The following MTAP variants were observed in gnomAD, a reference collection of about 807,000 sequenced individuals.
MTAP encodes the protein methylthioadenosine phosphorylase.
In MTAP, 33 loss-of-function variants were observed where a neutral mutation model predicts 33.6. The ratio of observed to expected loss-of-function variants is 0.98; its 90% CI spans 0.74 to 1.31. The LOEUF (loss-of-function observed/expected upper bound fraction) is 1.31, where lower values mean the gene tolerates loss of function less well. MTAP is among the 40% of genes most tolerant of loss of function. MTAP has a pLI of 0.00. For missense variants in MTAP, 367 were observed against 360.0 expected (o/e 1.02, Z -0.16); for synonymous variants, 148 against 125.7 (o/e 1.18, Z -1.19).
intron 4 of MTAP, among the ~76,000 whole-genome samples, chr9:21,834,725 T>C (rs1263023644): frequency 6.6e-6 from 1 of 152,230 alleles, no homozygotes; most frequent in East Asian, 1.9e-4. Context: ...ATAACCTTTC[T>C]ATTTTAAAGT....
In MTAP at chr9:21,895,195, C is replaced by G. The variant is rs566656636; in HGVS notation, c.148-35813C>G. Among the ~76,000 whole-genome samples, 400 of 152,250 alleles carry G rather than the reference C, an allele frequency of 2.6e-3. 1 individual carries two copies. The highest frequency in any genetic ancestry group is 9.1e-3 in the African/African-American group (380 of 41,542). The stretch of plus-strand genomic sequence containing the variant: ...AAACCATTCTAAAATTCATACAGAA[C>G]ATGAAAAAGCCAGAATAACCAAAGC... On this transcript the variant is annotated intron_variant, in intron 1 of 1. Transcript: ENST00000577563.
At position 21,915,098 on chromosome 9, in the gene MTAP, C is replaced by CT; in HGVS notation, c.148-15907dup. On this transcript the variant is annotated intron_variant, in intron 1 of 1. Transcript: ENST00000577563. ...TTTCTTTCTTTCCTTTCTTTCTTTT[C>CT]TTTCGGCAGAGTCTTGCCCTCTCAC... Among the ~76,000 whole-genome samples, 3 of 111,960 alleles carry CT rather than the reference C, an allele frequency of 2.7e-5. 1 individual carries two copies. The highest frequency in any genetic ancestry group is 1.4e-4 in the African/African-American group (3 of 21,284). The allele number at this position is 111,960 out of a possible 152,430, so 73.5% of individuals were successfully genotyped here.
rs541777909 is a variant in MTAP, at chr9:21,886,894, T to C, written c.147+32024T>C. Among the ~76,000 whole-genome samples the C allele has an allele frequency of 5.3e-5, 8 of 152,348 alleles. No individual in the cohort carries two copies. In the South Asian group the frequency reaches 1.7e-3, roughly 32 times the overall value. ...TATGATACCTTCAGATTTGTTCTTT[T>C]CGCTTAGTCTTGCTTTGGCTATGTG... On this transcript the variant is annotated intron_variant, in intron 1 of 1. Coordinates refer to the MTAP transcript ENST00000577563.
chr9:21,909,731 A>G (rs937694035), intron 1 of MTAP, among the ~76,000 whole-genome samples: 1 of 152,166 alleles, frequency 6.6e-6, no homozygotes, highest in African/African-American at 2.4e-5. Context: ...TTCATTTAAC[A>G]CTTTCCATGT....
chr9:21,938,215 A>C, downstream of MTAP, among the ~76,000 whole-genome samples: 1 of 151,474 alleles, frequency 6.6e-6, no homozygotes, highest in Non-Finnish European at 1.5e-5. Context: ...CAGAGGTTGC[A>C]GTGAGCCAAG....
At position 21,883,867 on chromosome 9, in the gene MTAP, G is replaced by A. The variant is rs188746570; in HGVS notation, c.147+28997G>A. Among the ~76,000 whole-genome samples the A allele has an allele frequency of 3.9e-5, 6 of 152,110 alleles. No individual in the cohort carries two copies. The East Asian group carries it at 5.8e-4, about 15-fold the overall frequency. The stretch of plus-strand genomic sequence containing the variant: ...AGAGCATACCCATACACACTAGCCC[G>A]CACAGGAAGTGGCAGCTCTGTGTTG... On this transcript the variant is annotated intron_variant, in intron 1 of 1. Transcript: ENST00000577563.
intron 5 of MTAP, among the ~76,000 whole-genome samples, chr9:21,845,709 T>C (rs1825362910): frequency 6.6e-6 from 1 of 151,868 alleles, no homozygotes; most frequent in Admixed American, 6.6e-5. Context: ...ACAAATTCAA[T>C]GCAGTTTCCT....
intron 1 of MTAP, among the ~76,000 whole-genome samples, chr9:21,889,069 T>G (rs1785268458): frequency 6.6e-6 from 1 of 152,080 alleles, no homozygotes; most frequent in Admixed American, 6.5e-5. Flanking sequence ...TTTCCTCAAA[T>G]AAATTTTCCA....
intron 1 of MTAP, among the ~76,000 whole-genome samples, chr9:21,897,464 T>C (rs2118781807): frequency 6.6e-6 from 1 of 152,196 alleles, no homozygotes; most frequent in East Asian, 1.9e-4. Flanking sequence ...GATGACATGA[T>C]TGTATATTTA....
chr9:21,939,183 G>A (rs368834591), downstream of MTAP, among the ~76,000 whole-genome samples: 10 of 152,058 alleles, frequency 6.6e-5, no homozygotes, highest in South Asian at 2.1e-4. Flanking sequence ...TTCAGCTCCC[G>A]CCATAATTCT....
downstream of MTAP, among the ~76,000 whole-genome samples, chr9:21,939,178 C>G (rs1819093967): frequency 6.6e-6 from 1 of 152,130 alleles, no homozygotes; most frequent in African/African-American, 2.4e-5. Flanking sequence ...TGCCTTTCAG[C>G]TCCCGCCATA....
chr9:21,851,403 TCTTTCTC>T (rs1165285579), intron 5 of MTAP, among the ~76,000 whole-genome samples: 2 of 152,248 alleles, frequency 1.3e-5, no homozygotes, highest in African/African-American at 2.4e-5. Context: ...CATTGTATTT[TCTTTCTC>T]CTTTATCATA....
At chr9:21,834,474 C>T (rs889717150) in intron 4 of MTAP, among the ~76,000 whole-genome samples, 5 of 152,202 alleles carry the variant, frequency 3.3e-5, no homozygotes, top group African/African-American at 9.6e-5. Flanking sequence ...TGGAGTGTAT[C>T]GTGGGTCTCA....
intron 4 of MTAP, among the ~76,000 whole-genome samples, chr9:21,834,366 C>T (rs1825049979): frequency 6.6e-6 from 1 of 152,198 alleles, no homozygotes; most frequent in African/African-American, 2.4e-5. Context: ...GGATCCCAAG[C>T]TATGGGGAGA....
At chr9:21,936,831 G>A (rs1367841225) in exon 8 of MTAP, 1 of 152,098 alleles carries the variant, frequency 6.6e-6, no homozygotes, top group Non-Finnish European at 1.5e-5. Context: ...TGCAAAGAAA[G>A]TAAGACATGT....
chr9:21,915,415 A>C (rs1001092620), intron 1 of MTAP, among the ~76,000 whole-genome samples: 12 of 152,108 alleles, frequency 7.9e-5, no homozygotes, highest in South Asian at 6.2e-4. Context: ...TCATGGCTGA[A>C]TGATATTTCA....
chr9:21,854,697 G>C lies in MTAP; in HGVS notation c.517G>C (p.Glu173Gln), dbSNP rs191458622. The C allele has an allele frequency of 6.2e-7, 1 of 1,613,990 alleles. No homozygotes were observed. The highest frequency in any genetic ancestry group is 8.5e-7 in the Non-Finnish European group (1 of 1,179,896). ...CTCAAAGGGGACAATGGTCACAATCGAGGGACCTCGTTTTAGCTCCCGGGC... is the reference window on the plus strand; with the variant it reads ...CTCAAAGGGGACAATGGTCACAATCCAGGGACCTCGTTTTAGCTCCCGGGC... The part of the protein sequence containing the change: ...CHSKGTMVTI[E>Q]GPRFSSRAES... Residue 173 changes from glutamate to glutamine, a missense_variant, in exon 6 of 8, where the codon GAG (glutamate) becomes CAG (glutamine). By Grantham distance (29) the Glu-to-Gln change is conservative (BLOSUM62 2). Transcript: ENST00000644715.
intron 7 of MTAP, 127 bp from the exon 8 acceptor site, chr9:21,861,845 AATTT>A: frequency 1.4e-6 from 1 of 693,178 alleles, no homozygotes; most frequent in Non-Finnish European, 2.6e-6. Context: ...TTTTCTGTAG[AATTT>A]ATTTAAAGTG....
At position 21,858,912 on chromosome 9, in the gene MTAP, CT is replaced by C. The variant is rs767156377; in HGVS notation, c.691-390del. Reference sequence around the variant, plus strand: ...CAAAATACCATAGCATGGGTGGCTTCTGAATAACAAGTTTATTTTTCACATT... The same window carrying C: ...CAAAATACCATAGCATGGGTGGCTTCGAATAACAAGTTTATTTTTCACATT... On this transcript the variant is annotated intron_variant, in intron 6 of 7. Transcript: ENST00000644715. 27 of 161,952 alleles carry C rather than the reference CT, an allele frequency of 1.7e-4. No homozygotes were observed. In the East Asian group the frequency reaches 3.0e-3, roughly 18 times the overall value. The allele number at this position is 161,952 out of a possible 1,614,324, so 10.0% of individuals were successfully genotyped here.
Sources: gnomAD v4.1 joint callset for allele counts (sites outside exome capture counted in the v4.1 genomes callset) on GRCh38, gnomAD v4.1.1 for gene constraint, MANE v1.5 for transcripts, NCBI Gene and HGNC (gene_info 2026-07-23, HGNC 2026-07-21) for gene names.